Variants in MAGI1 observed in about 807,000 individuals in gnomAD.
MAGI1 encodes membrane associated guanylate kinase, WW and PDZ domain containing 1, also known as membrane-associated guanylate kinase, WW and PDZ domain-containing protein 1.
A neutral mutation model predicts 139.9 loss-of-function variants in MAGI1; 58 were observed. That is an observed-to-expected ratio of 0.41 (90% CI 0.34 to 0.52). The LOEUF (loss-of-function observed/expected upper bound fraction) is 0.52, where lower values mean the gene tolerates loss of function less well. Among genes scored for constraint, MAGI1 ranks in the 20% least tolerant of loss-of-function variants. The probability of loss-of-function intolerance (pLI) is 0.12; values close to 1 mark genes in which losing one functional copy is unlikely to be tolerated. For missense variants in MAGI1, 1,874 were observed against 1,901.6 expected (o/e 0.99, Z 0.27); for synonymous variants, 812 against 737.9 (o/e 1.10, Z -1.63).
intron 1 of MAGI1, among the ~76,000 whole-genome samples, chr3:65,669,063 A>C (rs959141757): frequency 1.3e-5 from 2 of 151,804 alleles, no homozygotes; most frequent in Non-Finnish European, 2.9e-5. Flanking sequence ...CAGCCTCCTG[A>C]GTAGCTGGGA....
At chr3:65,589,137 G>A (rs2081838622) in intron 2 of MAGI1, among the ~76,000 whole-genome samples, 1 of 152,100 alleles carries the variant, frequency 6.6e-6, no homozygotes, top group Non-Finnish European at 1.5e-5. Flanking sequence ...CAGAAAACTG[G>A]GGAGACAGGA....
intron 1 of MAGI1, among the ~76,000 whole-genome samples, chr3:66,022,556 C>T (rs572721908): frequency 3.3e-5 from 5 of 152,188 alleles, no homozygotes; most frequent in South Asian, 2.1e-4. Context: ...TGTAGGTATC[C>T]GAAACAACAG....
At chr3:65,688,007 CT>C (rs1206301803) in intron 1 of MAGI1, 1 of 830,206 alleles carries the variant, frequency 1.2e-6, no homozygotes, top group African/African-American at 1.7e-5. Context: ...TTTCGTTTTC[CT>C]GGCTTTGAGC....
intron 1 of MAGI1, among the ~76,000 whole-genome samples, chr3:65,928,219 A>T (rs2062618796): frequency 6.6e-6 from 1 of 152,148 alleles, no homozygotes; most frequent in South Asian, 2.1e-4. Flanking sequence ...AACTCCTCCC[A>T]ATACTAGGTT....
At chr3:65,662,492 G>A (rs1018662362) in intron 1 of MAGI1, among the ~76,000 whole-genome samples, 24 of 152,204 alleles carry the variant, frequency 1.6e-4, no homozygotes, top group African/African-American at 5.8e-4. Context: ...AACTGTATTG[G>A]GACAGGTGTG....
At chr3:65,557,686 G>A (rs2080151991) in intron 2 of MAGI1, among the ~76,000 whole-genome samples, 1 of 152,136 alleles carries the variant, frequency 6.6e-6, no homozygotes, top group Non-Finnish European at 1.5e-5. Flanking sequence ...AAATCGATCA[G>A]TGCCAGTCTC....
At chr3:65,566,329 T>C (rs1192579591) in intron 2 of MAGI1, among the ~76,000 whole-genome samples, 6 of 152,110 alleles carry the variant, frequency 3.9e-5, no homozygotes, top group Non-Finnish European at 7.4e-5. Context: ...TATCTACATA[T>C]ATTATCTATG....
intron 1 of MAGI1, among the ~76,000 whole-genome samples, chr3:65,894,658 C>A (rs11716146): frequency 0.024 from 3,672 of 152,316 alleles, 70 homozygotes; most frequent in Middle Eastern, 0.044. Flanking sequence ...AGACTAGCAA[C>A]CACCTAGGAC....
chr3:65,357,891 G>A (rs879597364), intron 22 of MAGI1, among the ~76,000 whole-genome samples: 4 of 152,102 alleles, frequency 2.6e-5, no homozygotes, highest in Non-Finnish European at 5.9e-5. Flanking sequence ...ATTCAACTAC[G>A]TTCTCTACTT....
At chr3:65,545,178 T>A (rs146164801) in intron 2 of MAGI1, among the ~76,000 whole-genome samples, 101 of 152,118 alleles carry the variant, frequency 6.6e-4, no homozygotes, top group African/African-American at 2.3e-3. Context: ...GACAAACCCA[T>A]GAGAAAGCAA....
chr3:65,799,290 A>T (rs889957210), intron 1 of MAGI1, among the ~76,000 whole-genome samples: 1 of 152,208 alleles, frequency 6.6e-6, no homozygotes, highest in African/African-American at 2.4e-5. Flanking sequence ...TTTGGGTGGA[A>T]GACATCAACA....
chr3:65,771,846 T>G (rs1246268231), intron 1 of MAGI1, among the ~76,000 whole-genome samples: 8 of 152,218 alleles, frequency 5.3e-5, no homozygotes, highest in Admixed American at 6.5e-5. Context: ...GTCCATTCTA[T>G]GAGGCTAGAT....
At chr3:66,014,853 C>A (rs1013857153) in intron 1 of MAGI1, among the ~76,000 whole-genome samples, 1 of 152,162 alleles carries the variant, frequency 6.6e-6, no homozygotes, top group Non-Finnish European at 1.5e-5. Context: ...TGCCTCCAGG[C>A]CTTTGCTCCC....
chr3:65,967,613 G>C (rs572867523), intron 1 of MAGI1, among the ~76,000 whole-genome samples: 138 of 152,294 alleles, frequency 9.1e-4, no homozygotes, highest in African/African-American at 2.8e-3. Context: ...TCTCCCAATT[G>C]AAAGTGTTAA....
chr3:65,814,467 G>C (rs1337969544), intron 1 of MAGI1, among the ~76,000 whole-genome samples: 2 of 152,090 alleles, frequency 1.3e-5, no homozygotes, highest in Non-Finnish European at 2.9e-5. Context: ...CAGACCTCCT[G>C]ACTTTCATGG....
intron 1 of MAGI1, among the ~76,000 whole-genome samples, chr3:65,782,613 CAAAAAAAAAAAAAAAA>C (rs56367932): frequency 1.7e-5 from 1 of 60,544 alleles, no homozygotes; most frequent in Non-Finnish European, 3.0e-5. Context: ...ATTTCTTAAG[CAAAAAAAAAAAAAAAA>C]AAAAAAAAAA....
intron 1 of MAGI1, among the ~76,000 whole-genome samples, chr3:66,005,874 G>T (rs1343276639): frequency 6.6e-6 from 1 of 152,074 alleles, no homozygotes; most frequent in Non-Finnish European, 1.5e-5. Context: ...CTTAGGAAGG[G>T]CTGCAAAAGG....
intron 1 of MAGI1, among the ~76,000 whole-genome samples, chr3:65,864,831 G>C (rs922890403): frequency 6.6e-6 from 1 of 152,030 alleles, no homozygotes; most frequent in Admixed American, 6.5e-5. Flanking sequence ...ACAAAATGAA[G>C]ATTCTACTGA....
intron 1 of MAGI1, among the ~76,000 whole-genome samples, chr3:65,942,583 T>C (rs2063362556): frequency 6.6e-6 from 1 of 152,254 alleles, no homozygotes. Context: ...TAATGATTAC[T>C]GTCACTTTCT....
Sources: gnomAD v4.1 joint callset for allele counts (sites outside exome capture counted in the v4.1 genomes callset) on GRCh38, gnomAD v4.1.1 for gene constraint, MANE v1.5 for transcripts, NCBI Gene and HGNC (gene_info 2026-07-23, HGNC 2026-07-21) for gene names.